The following CYSLTR2 variants were observed in gnomAD, a reference collection of about 807,000 sequenced individuals.
CYSLTR2 encodes cysteinyl leukotriene receptor 2.
For synonymous variants in CYSLTR2, 179 were observed against 160.8 expected (o/e 1.11, Z -0.86); for missense variants, 398 against 411.9 (o/e 0.97, Z 0.29).
chr13:48,686,870 A>C (rs1440364184), intron 1 of CYSLTR2, among the ~76,000 whole-genome samples: 1 of 152,116 alleles, frequency 6.6e-6, no homozygotes, highest in Non-Finnish European at 1.5e-5. Flanking sequence ...AGTCAACTTG[A>C]CTGGATTAAG....
rs1210364037 is a variant in CYSLTR2, at chr13:48,706,976, C to T, written c.159C>T (p.Val53=). The change falls in exon 5 of 5, where the codon GTC becomes GTT. Residue 53 remains valine, a synonymous_variant. Coordinates refer to ENST00000682523, the MANE Select transcript of CYSLTR2 (RefSeq NM_001308476.3). Reference sequence around the variant, plus strand: ...ATCTGATAATATTTTTCTGGGGAGTCTTGGGAAATGGGTTGTCCATATATG... The same window carrying T: ...ATCTGATAATATTTTTCTGGGGAGTTTTGGGAAATGGGTTGTCCATATATG... ...IVYLIIFFWG[V]LGNGLSIYVF... 7.4e-6 allele frequency: 12 copies of T among 1,614,118 alleles called. 1 individual carries two copies. In the South Asian group the frequency reaches 1.2e-4, roughly 16 times the overall value.
At chr13:48,666,552 G>T (rs1278445952) in intron 1 of CYSLTR2, among the ~76,000 whole-genome samples, 1 of 151,994 alleles carries the variant, frequency 6.6e-6, no homozygotes, top group Non-Finnish European at 1.5e-5. Context: ...TTTCTTTCCT[G>T]AACTGTGTCC....
chr13:48,663,473 G>A (rs1476393694), intron 1 of CYSLTR2, among the ~76,000 whole-genome samples: 1 of 152,018 alleles, frequency 6.6e-6, no homozygotes, highest in Non-Finnish European at 1.5e-5. Context: ...CATGAGCATG[G>A]GTTGTCTTTC....
chr13:48,660,046 T>G (rs1200580553), intron 1 of CYSLTR2, among the ~76,000 whole-genome samples: 1 of 152,138 alleles, frequency 6.6e-6, no homozygotes, highest in African/African-American at 2.4e-5. Context: ...TATATGATGT[T>G]TTTGTTGAGT....
At chr13:48,695,977 C>T (rs1053098712) in intron 3 of CYSLTR2, among the ~76,000 whole-genome samples, 1 of 152,196 alleles carries the variant, frequency 6.6e-6, no homozygotes, top group African/African-American at 2.4e-5. Context: ...TTTTAGGAAA[C>T]AGCCAAATTG....
At chr13:48,703,013 A>T (rs1954389917) in intron 4 of CYSLTR2, among the ~76,000 whole-genome samples, 1 of 152,090 alleles carries the variant, frequency 6.6e-6, no homozygotes, top group South Asian at 2.1e-4. Flanking sequence ...GTCTTGTGAG[A>T]TTTACACCTG....
At chr13:48,655,703 A>G (rs1952981813) in intron 1 of CYSLTR2, among the ~76,000 whole-genome samples, 1 of 152,262 alleles carries the variant, frequency 6.6e-6, no homozygotes, top group Non-Finnish European at 1.5e-5. Flanking sequence ...GTTTACAGGC[A>G]TCAGTTCATT....
At chr13:48,702,126 T>C (rs1165906010) in intron 4 of CYSLTR2, among the ~76,000 whole-genome samples, 1 of 152,020 alleles carries the variant, frequency 6.6e-6, no homozygotes, top group Non-Finnish European at 1.5e-5. Flanking sequence ...ATGAATGACC[T>C]GGAAACCATC....
intron 1 of CYSLTR2, among the ~76,000 whole-genome samples, chr13:48,679,497 C>T (rs1211463731): frequency 6.6e-6 from 1 of 152,178 alleles, no homozygotes; most frequent in Non-Finnish European, 1.5e-5. Context: ...CAAGCCACAT[C>T]CTACCACTAA....
chr13:48,701,794 C>T (rs1346228624), intron 4 of CYSLTR2, among the ~76,000 whole-genome samples: 5 of 152,260 alleles, frequency 3.3e-5, no homozygotes, highest in Non-Finnish European at 5.9e-5. Flanking sequence ...GAAATAGGAA[C>T]GCTTTTACAC....
intron 3 of CYSLTR2, among the ~76,000 whole-genome samples, chr13:48,695,132 C>T (rs1036535766): frequency 8.1e-6 from 1 of 123,472 alleles, no homozygotes; most frequent in Non-Finnish European, 1.6e-5. Context: ...TGGAGTGCAA[C>T]TGTGTGATCA....
chr13:48,672,616 CTT>C (rs71076039), intron 1 of CYSLTR2, among the ~76,000 whole-genome samples: 21,975 of 119,516 alleles, frequency 0.18, 2,526 homozygotes, highest in African/African-American at 0.39. Flanking sequence ...CTTTTCTTTT[CTT>C]TTTTTTTTTT....
chr13:48,665,168 A>G (rs7997261), intron 1 of CYSLTR2, among the ~76,000 whole-genome samples: 1,685 of 152,212 alleles, frequency 0.011, 28 homozygotes, highest in African/African-American at 0.038. Flanking sequence ...TTGTGGTCAA[A>G]TAAGTTACTC....
rs148110488 is a variant in CYSLTR2 at position 48,707,336 on chromosome 13, C to G, written c.519C>G (p.Leu173=). The change falls in exon 5 of 5, where the codon CTC becomes CTG. Residue 173 remains leucine, a synonymous_variant. Transcript: ENST00000682523. ...TTATCATGGCTTCCTCAATAATGCT[C>G]CTGGACAGTGGCTCTGAGCAGAACG... ...WILIMASSIM[L]LDSGSEQNGS... 3.2e-5 allele frequency: 52 copies of G among 1,614,066 alleles called. 1 individual carries two copies. The Admixed American group carries it at 5.7e-4, about 18-fold the overall frequency.
At chr13:48,690,401 G>A (rs918940577) in intron 1 of CYSLTR2, among the ~76,000 whole-genome samples, 1 of 152,082 alleles carries the variant, frequency 6.6e-6, no homozygotes, top group Non-Finnish European at 1.5e-5. Flanking sequence ...GTCATAAATA[G>A]CTCTTATTAT....
rs1221322797 is a variant in CYSLTR2, at chr13:48,707,641, A to C, written c.824A>C (p.Lys275Thr). Residue 275 changes from lysine (K) to threonine (T), a missense_variant, in exon 5 of 5, where the codon AAA becomes ACA. Transcript: ENST00000682523. ...AGGACCGTCCACTTGACGACATGGAAAGTGGGTTTATGCAAAGACAGACTG... is the reference window on the plus strand; with the variant it reads ...AGGACCGTCCACTTGACGACATGGACAGTGGGTTTATGCAAAGACAGACTG... Reference protein sequence around the residue: ...TLRTVHLTTWKVGLCKDRLHK... With the variant: ...TLRTVHLTTWTVGLCKDRLHK... The C allele has an allele frequency of 6.2e-7, 1 of 1,613,934 alleles. No individual in the cohort carries two copies. Among genetic ancestry groups the C allele is most frequent in the South Asian group, 1.1e-5 (1 of 91,078 alleles).
chr13:48,698,564 A>C (rs1594014686), intron 4 of CYSLTR2, among the ~76,000 whole-genome samples: 1 of 152,352 alleles, frequency 6.6e-6, no homozygotes, highest in African/African-American at 2.4e-5. Context: ...CCACTGCAAA[A>C]ACATGCCAAA....
chr13:48,694,959 G>T (rs1484014499), intron 3 of CYSLTR2, among the ~76,000 whole-genome samples: 2 of 150,976 alleles, frequency 1.3e-5, no homozygotes, highest in African/African-American at 4.9e-5. Context: ...CCTCCATTTG[G>T]AGATAATTAA....
chr13:48,680,345 A>T (rs770320638), intron 1 of CYSLTR2, among the ~76,000 whole-genome samples: 3 of 152,186 alleles, frequency 2.0e-5, no homozygotes, highest in Non-Finnish European at 4.4e-5. Flanking sequence ...TCTAAGTATA[A>T]ATAAAAATAG....
Sources: gnomAD v4.1 joint callset for allele counts (sites outside exome capture counted in the v4.1 genomes callset) on GRCh38, gnomAD v4.1.1 for gene constraint, MANE v1.5 for transcripts, NCBI Gene and HGNC (gene_info 2026-07-23, HGNC 2026-07-21) for gene names.